The following KCNQ1 variants were observed in gnomAD, a reference collection of about 807,000 sequenced individuals.
The protein encoded by KCNQ1 is potassium voltage-gated channel subfamily KQT member 1.
A neutral mutation model predicts 72.4 loss-of-function variants in KCNQ1; 49 were observed. That is an observed-to-expected ratio of 0.68 (90% confidence interval 0.54 to 0.86). KCNQ1 has a LOEUF of 0.86. KCNQ1 is among the 40% of genes least tolerant of loss of function. KCNQ1 has a pLI of 0.00. For missense variants in KCNQ1, 790 were observed against 945.1 expected (o/e 0.84, Z 2.15); for synonymous variants, 450 against 412.6 (o/e 1.09, Z -1.10).
rs1447771051 is a variant in KCNQ1, at chr11:2,490,622, G to C, written c.387-37306G>C. Among the ~76,000 whole-genome samples, 16 of 152,338 alleles carry C rather than the reference G, an allele frequency of 1.1e-4. No homozygotes were observed. The South Asian group carries it at 3.3e-3, about 32-fold the overall frequency. The stretch of plus-strand genomic sequence containing the variant: ...GGGAGAAAGTAAGAGAAGAAAACAA[G>C]AGTCTCTGCCTCGTAATGCAGAGAA... On this transcript the variant is annotated intron_variant, in intron 1 of 15. Transcript: ENST00000155840.
chr11:2,834,327 G>A (rs1295778727), intron 15 of KCNQ1, among the ~76,000 whole-genome samples: 1 of 152,140 alleles, frequency 6.6e-6, no homozygotes, highest in African/African-American at 2.4e-5. Flanking sequence ...GCGGTGCTGA[G>A]GCTGAGCATG....
chr11:2,705,205 G>A (rs1212750135), intron 11 of KCNQ1, among the ~76,000 whole-genome samples: 1 of 152,206 alleles, frequency 6.6e-6, no homozygotes. Flanking sequence ...GTCCTCACAG[G>A]CAGATTTGCG....
chr11:2,588,684 C>G lies in KCNQ1; in HGVS notation c.1252-29C>G. 1 of 1,612,254 alleles carries G rather than the reference C, an allele frequency of 6.2e-7. No homozygotes were observed. Among genetic ancestry groups the G allele is most frequent in the Non-Finnish European group, 8.5e-7 (1 of 1,179,930 alleles). ...GGGCCTGGCAGACGATGTCCAGGAA[C>G]CGCTAATCTGTTGTCTTGTTTTTTT... is the stretch of plus-strand genomic sequence containing the variant. On this transcript the variant is annotated intron_variant, in intron 9 of 15. Coordinates refer to ENST00000155840, the MANE Select transcript of KCNQ1 (RefSeq NM_000218.3). The surrounding 1 kb of genome is among the most constrained non-coding windows in gnomAD (Gnocchi z 5.6).
In KCNQ1 at chr11:2,484,717, C is replaced by T. The variant is rs569950444; in HGVS notation, c.386+39233C>T. ...AGGCCTGGGTGCATGGTGTGCTCAT[C>T]GCCACTGTGGACCTGCTGCTCTGCG... is the stretch of plus-strand genomic sequence containing the variant. On this transcript the variant is annotated intron_variant, in intron 1 of 15. Transcript: ENST00000155840. The surrounding 1 kb of genome is among the most constrained non-coding windows in gnomAD (Gnocchi z 5.2). 1.2e-3 allele frequency among the ~76,000 whole-genome samples: 177 copies of T among 152,290 alleles called. No individual in the cohort carries two copies. The highest frequency in any genetic ancestry group is 2.1e-3 in the Non-Finnish European group (146 of 68,028).
chr11:2,847,474 G>A (rs1434281487), intron 15 of KCNQ1, among the ~76,000 whole-genome samples: 1 of 152,244 alleles, frequency 6.6e-6, no homozygotes, highest in Non-Finnish European at 1.5e-5. Flanking sequence ...CAGAGAAGGA[G>A]GAGAGGAGAG....
intron 10 of KCNQ1, chr11:2,615,450 C>G (rs1849045146): frequency 2.5e-6 from 1 of 397,912 alleles, no homozygotes. Context: ...TTCAATAGCA[C>G]TGGGTAAAGC....
At chr11:2,755,232 A>C (rs1178694820) in intron 11 of KCNQ1, among the ~76,000 whole-genome samples, 2 of 151,392 alleles carry the variant, frequency 1.3e-5, no homozygotes, top group African/African-American at 4.9e-5. Context: ...AAGAGCCTCC[A>C]CTGTTTGTTG....
rs4930006 is a variant in KCNQ1 at position 2,669,423 on chromosome 11, G to T, written c.1514+7342G>T. 23,145 of 398,600 alleles carry T rather than the reference G, an allele frequency of 0.058. 816 individuals carry two copies. Among genetic ancestry groups the T allele is most frequent in the Middle Eastern group, 0.094 (149 of 1,588 alleles). The allele number at this position is 398,600 out of a possible 1,614,324, so 24.7% of individuals were successfully genotyped here. On this transcript the variant is annotated intron_variant, in intron 11 of 15. Transcript: ENST00000155840. The surrounding 1 kb of genome is among the most constrained non-coding windows in gnomAD (Gnocchi z 5.6). ...CATCATGTGTCCCTTGTTTATTTAG[G>T]TTGACTTTCATATCTTTTACCTTGC...
chr11:2,658,234 A>G lies in KCNQ1; in HGVS notation c.1394-3727A>G, dbSNP rs1289938645. 2.5e-6 allele frequency: 1 copy of G among 398,512 alleles called. No homozygotes were observed. The highest frequency in any genetic ancestry group is 4.4e-6 in the Non-Finnish European group (1 of 226,076). The allele number at this position is 398,512 out of a possible 1,614,324, so 24.7% of individuals were successfully genotyped here. A position where few individuals can be genotyped will look rare whatever the true frequency, so the allele number is the denominator to read the frequency against. ...ATTCATTCATGGATCGTTTTCCTGC[A>G]GCAAATATTACCGTGATGTACTTCT... is the stretch of plus-strand genomic sequence containing the variant. On this transcript the variant is annotated intron_variant, in intron 10 of 15. Coordinates refer to ENST00000155840, the MANE Select transcript of KCNQ1 (RefSeq NM_000218.3). This position sits in a 1 kb window ranked among gnomAD's most constrained non-coding sequence, Gnocchi z 4.9.
Position 2,567,069 on chromosome 11 carries a change from A to T in KCNQ1, c.478-3559A>T, listed in dbSNP as rs1177338971. Reference sequence around the variant, plus strand: ...ATGGGGGGCACCTGGGGCCCACGGGAGGCTCTGGGGGAGACTGGGCGGTGA... The same window carrying T: ...ATGGGGGGCACCTGGGGCCCACGGGTGGCTCTGGGGGAGACTGGGCGGTGA... On this transcript the variant is annotated intron_variant, in intron 2 of 15. Transcript: ENST00000155840. This position sits in a 1 kb window ranked among gnomAD's most constrained non-coding sequence, Gnocchi z 6.6. Among the ~76,000 whole-genome samples, 1 of 151,438 alleles carries T rather than the reference A, an allele frequency of 6.6e-6. No homozygotes were observed. The highest frequency in any genetic ancestry group is 6.6e-5 in the Admixed American group (1 of 15,230).
At chr11:2,580,987 G>A (rs926178399) in intron 6 of KCNQ1, among the ~76,000 whole-genome samples, 7 of 152,228 alleles carry the variant, frequency 4.6e-5, no homozygotes, top group African/African-American at 1.7e-4. Context: ...CAGGGGCTGC[G>A]CCAGCCCAGG....
chr11:2,667,741 G>A (rs1164087105), intron 11 of KCNQ1: 1 of 398,656 alleles, frequency 2.5e-6, no homozygotes, highest in Non-Finnish European at 4.4e-6. Flanking sequence ...GAGGGAGTGG[G>A]ATGGGGCTGG....
At chr11:2,632,294 T>C (rs989958033) in intron 10 of KCNQ1, 6 of 398,492 alleles carry the variant, frequency 1.5e-5, no homozygotes, top group African/African-American at 1.2e-4. Flanking sequence ...TTCAGGGATT[T>C]CTACAAATAT....
intron 15 of KCNQ1, among the ~76,000 whole-genome samples, chr11:2,844,896 C>T (rs1398602594): frequency 3.9e-5 from 6 of 152,024 alleles, no homozygotes; most frequent in Non-Finnish European, 8.8e-5. Flanking sequence ...CAGTAAGCCA[C>T]GCGGGGCAAA....
intron 15 of KCNQ1, among the ~76,000 whole-genome samples, chr11:2,792,444 C>A (rs1344915871): frequency 6.6e-6 from 1 of 152,116 alleles, no homozygotes; most frequent in Non-Finnish European, 1.5e-5. Flanking sequence ...GTGGAAAGCG[C>A]CAGGTGGATA....
rs1294691653 is a variant in KCNQ1, at chr11:2,824,831, G to A, written c.1795-22936G>A. Among the ~76,000 whole-genome samples, 1 of 152,238 alleles carries A rather than the reference G, an allele frequency of 6.6e-6. No individual in the cohort carries two copies. The highest frequency in any genetic ancestry group is 2.4e-5 in the African/African-American group (1 of 41,456). On this transcript the variant is annotated intron_variant, in intron 15 of 15. Transcript: ENST00000155840. The surrounding 1 kb of genome is among the most constrained non-coding windows in gnomAD (Gnocchi z 5.9). Reference sequence around the variant, plus strand: ...TCTGTACTTGGCCTGTCTCAGTGCCGTGCCGCATCCATCCTGCCCCTGGCA... The same window carrying A: ...TCTGTACTTGGCCTGTCTCAGTGCCATGCCGCATCCATCCTGCCCCTGGCA...
At position 2,559,114 on chromosome 11, in the gene KCNQ1, G is replaced by C. The variant is rs1302658197; in HGVS notation, c.478-11514G>C. Among the ~76,000 whole-genome samples, 2 of 152,058 alleles carry C rather than the reference G, an allele frequency of 1.3e-5. No individual in the cohort carries two copies. The highest frequency in any genetic ancestry group is 2.9e-5 in the Non-Finnish European group (2 of 67,992). ...CAGCAAGAGGGGTCACTTGAGCCTT[G>C]GCCTGCAGGGAGGTTTTGCTCAAGG... On this transcript the variant is annotated intron_variant, in intron 2 of 15. Coordinates refer to ENST00000155840, the MANE Select transcript of KCNQ1 (RefSeq NM_000218.3). The surrounding 1 kb of genome is among the most constrained non-coding windows in gnomAD (Gnocchi z 4.9).
rs1847747337 is a variant in KCNQ1 at position 2,537,223 on chromosome 11, A to G, written c.477+9205A>G. On this transcript the variant is annotated intron_variant, in intron 2 of 15. Coordinates refer to ENST00000155840, the MANE Select transcript of KCNQ1 (RefSeq NM_000218.3). This position sits in a 1 kb window ranked among gnomAD's most constrained non-coding sequence, Gnocchi z 5.2. ...TAAAGCTTTATTAGCACACAGCACC[A>G]CATACTTGAGGGCCTAATGCCTCTG... Among the ~76,000 whole-genome samples the G allele has an allele frequency of 6.6e-6, 1 of 151,902 alleles. No individual in the cohort carries two copies.
intron 11 of KCNQ1, among the ~76,000 whole-genome samples, chr11:2,732,360 C>T (rs1033784354): frequency 6.6e-6 from 1 of 152,340 alleles, no homozygotes; most frequent in African/African-American, 2.4e-5. Context: ...GAGCCACTCC[C>T]TCAGGGTGCT....
Sources: allele counts gnomAD v4.1 joint callset (sites outside exome capture counted in the v4.1 genomes callset), GRCh38; gene constraint gnomAD v4.1.1; non-coding constraint Gnocchi (gnomAD v3.1); transcripts MANE v1.5; gene names NCBI Gene and HGNC (gene_info 2026-07-23, HGNC 2026-07-21).